Variants in THNSL1 observed in about 807,000 individuals in gnomAD.
THNSL1 encodes threonine synthase-like 1.
A neutral mutation model predicts 50.4 loss-of-function variants in THNSL1; 48 were observed. The ratio of observed to expected loss-of-function variants is 0.95; its 90% CI spans 0.76 to 1.21. THNSL1 has a LOEUF of 1.21. Among genes scored for constraint, THNSL1 ranks in the 50% most tolerant of loss-of-function variants. The pLI is 0.00. For synonymous variants in THNSL1, 309 were observed against 306.1 expected, an observed-to-expected ratio of 1.01 and a Z score of -0.10; for missense variants, 896 against 871.7, an observed-to-expected ratio of 1.03 and a Z score of -0.35.
the THNSL1 span, among the ~76,000 whole-genome samples, chr10:24,956,175 C>T: frequency 1.4e-4 from 21 of 151,572 alleles, no homozygotes; most frequent in African/African-American, 3.9e-4. Flanking sequence ...GGGGTACACA[C>T]GCAGGTTTGT....
the THNSL1 span, chr10:24,953,190 CCACCTCCCCT>C: frequency 1.3e-5 from 2 of 152,398 alleles, no homozygotes; most frequent in East Asian, 1.9e-4. Flanking sequence ...TCATCTCCCT[CCACCTCCCCT>C]CACCTCCCTC....
the THNSL1 span, among the ~76,000 whole-genome samples, chr10:25,006,767 C>A: frequency 4.6e-4 from 70 of 152,266 alleles, 1 homozygote; most frequent in South Asian, 7.9e-3. Context: ...GTTTGTTTTA[C>A]TGTCTCAGGC....
At chr10:24,967,456 G>A in the THNSL1 span, among the ~76,000 whole-genome samples, 1 of 152,194 alleles carries the variant, frequency 6.6e-6, no homozygotes, top group Non-Finnish European at 1.5e-5. Context: ...GTGGGGGAAG[G>A]ATGGGGAATT....
chr10:24,984,128 A>G, the THNSL1 span: 7 of 414,776 alleles, frequency 1.7e-5, no homozygotes, highest in Admixed American at 8.2e-5. Context: ...TTGATTTTGT[A>G]AGTTGTCTTC....
chr10:24,964,394 G>A, the THNSL1 span, among the ~76,000 whole-genome samples: 1,371 of 152,246 alleles, frequency 9.0e-3, 5 homozygotes, highest in Middle Eastern at 0.027. Flanking sequence ...GTGTGTGTGG[G>A]TTCTTTCTTT....
chr10:24,968,213 A>G, the THNSL1 span, among the ~76,000 whole-genome samples: 1 of 152,152 alleles, frequency 6.6e-6, no homozygotes, highest in Non-Finnish European at 1.5e-5. Flanking sequence ...AGGTTTTCCC[A>G]GGCCCAGAGG....
chr10:24,962,763 G>A, the THNSL1 span, among the ~76,000 whole-genome samples: 10 of 152,076 alleles, frequency 6.6e-5, no homozygotes, highest in Non-Finnish European at 1.0e-4. Context: ...TCTCTTCTGC[G>A]TCTTAGCTCA....
chr10:24,957,035 G>T, the THNSL1 span, among the ~76,000 whole-genome samples: 2 of 152,130 alleles, frequency 1.3e-5, no homozygotes, highest in Non-Finnish European at 2.9e-5. Flanking sequence ...AAATTGTCTT[G>T]CACAAAACAG....
intron 1 of THNSL1, among the ~76,000 whole-genome samples, chr10:25,019,576 GTATTA>G (rs1850677611): frequency 6.6e-6 from 1 of 152,208 alleles, no homozygotes; most frequent in South Asian, 2.1e-4. Flanking sequence ...ATTGTATTAT[GTATTA>G]TAAGTTATTC....
At chr10:24,999,141 T>G in the THNSL1 span, among the ~76,000 whole-genome samples, 3 of 152,324 alleles carry the variant, frequency 2.0e-5, no homozygotes, top group East Asian at 5.8e-4. Flanking sequence ...GCCCCACAGC[T>G]AGGGACTAAG....
the THNSL1 span, chr10:24,995,537 A>G: frequency 2.0e-6 from 2 of 986,972 alleles, no homozygotes; most frequent in Non-Finnish European, 3.0e-6. Flanking sequence ...AGCAAAGTAG[A>G]CAATGTGTCC....
At chr10:24,967,995 A>ATGTGTGTG in the THNSL1 span, among the ~76,000 whole-genome samples, 147 of 139,770 alleles carry the variant, frequency 1.1e-3, no homozygotes, top group African/African-American at 3.1e-3. Flanking sequence ...TATGTGTATG[A>ATGTGTGTG]TGTGTGTGTG....
chr10:24,976,340 C>A, the THNSL1 span, among the ~76,000 whole-genome samples: 3 of 152,070 alleles, frequency 2.0e-5, no homozygotes, highest in African/African-American at 7.2e-5. Flanking sequence ...GAGAAAAACA[C>A]AAAACATAGG....
chr10:25,019,905 T>C (rs899555418), intron 1 of THNSL1, among the ~76,000 whole-genome samples: 11 of 152,176 alleles, frequency 7.2e-5, no homozygotes, highest in Non-Finnish European at 1.2e-4. Flanking sequence ...AAATTTTAAA[T>C]GAACCATGTG....
At chr10:24,983,450 T>C in the THNSL1 span, 1 of 152,218 alleles carries the variant, frequency 6.6e-6, no homozygotes, top group African/African-American at 2.4e-5. Context: ...TACGTAATTA[T>C]ACATTTTGGA....
chr10:24,978,470 CTCTTTCTCTG>C, the THNSL1 span, among the ~76,000 whole-genome samples: 1 of 151,368 alleles, frequency 6.6e-6, no homozygotes, highest in African/African-American at 2.4e-5. Flanking sequence ...CTCTTTCCCT[CTCTTTCTCTG>C]TCTTCTTTTC....
the THNSL1 span, among the ~76,000 whole-genome samples, chr10:25,010,300 C>T: frequency 2.0e-5 from 3 of 152,096 alleles, no homozygotes; most frequent in Non-Finnish European, 4.4e-5. Context: ...ATTTGTGGAA[C>T]TTCGAATTTG....
Position 25,025,383 on chromosome 10 carries a change from C to T in THNSL1, c.2160C>T (p.Tyr720=). The part of the protein sequence containing the change: ...ERTKQQEKME[Y]QVCAADMNVL... The stretch of plus-strand genomic sequence containing the variant: ...CAAAACAGCAAGAGAAGATGGAGTA[C>T]CAGGTCTGTGCAGCTGATATGAATG... The change falls in exon 3 of 3, where the codon TAC becomes TAT. Residue 720 remains tyrosine, a synonymous_variant. Coordinates refer to ENST00000376356, the MANE Select transcript of THNSL1 (RefSeq NM_024838.5). 6.2e-7 allele frequency: 1 copy of T among 1,614,170 alleles called. No individual in the cohort carries two copies. Among genetic ancestry groups the T allele is most frequent in the Non-Finnish European group, 8.5e-7 (1 of 1,180,034 alleles).
At chr10:24,984,957 G>A in the THNSL1 span, 2 of 1,377,600 alleles carry the variant, frequency 1.5e-6, no homozygotes, top group South Asian at 1.3e-5. Context: ...CAAAAGTAAA[G>A]GAAATGGGAA....
Sources: gnomAD v4.1 joint callset for allele counts (sites outside exome capture counted in the v4.1 genomes callset) on GRCh38, gnomAD v4.1.1 for gene constraint, MANE v1.5 for transcripts, NCBI Gene and HGNC (gene_info 2026-07-23, HGNC 2026-07-21) for gene names.